The following CCSER1 variants were observed in gnomAD, a reference collection of about 807,000 sequenced individuals.
The protein encoded by CCSER1 is coiled-coil serine rich protein 1.
In CCSER1, 41 loss-of-function variants were observed where a neutral mutation model predicts 82.0. That is an observed-to-expected ratio of 0.50 (90% CI 0.39 to 0.65). The LOEUF (loss-of-function observed/expected upper bound fraction) is 0.65, where lower values mean the gene tolerates loss of function less well. Among genes scored for constraint, CCSER1 ranks in the 30% least tolerant of loss-of-function variants. CCSER1 has a pLI of 0.00. For synonymous variants in CCSER1, 414 were observed against 383.9 expected (o/e 1.08, Z -0.92); for missense variants, 1,119 against 1,064.2 (o/e 1.05, Z -0.72).
Position 91,115,806 on chromosome 4 carries a change from CTTT to C in CCSER1, c.2217+29829_2217+29831del, listed in dbSNP as rs527629667. Reference sequence around the variant, plus strand: ...TGCTCCCTGCCTATCCTAGCTTTTTCTTTTTTTTTTTTTTTTTTTCAAATTTCC... The same window carrying C: ...TGCTCCCTGCCTATCCTAGCTTTTTCTTTTTTTTTTTTTTTTCAAATTTCC... On this transcript the variant is annotated intron_variant, in intron 10 of 10. Transcript: ENST00000509176. Among the ~76,000 whole-genome samples the C allele has an allele frequency of 2.2e-3, 227 of 101,560 alleles. 1 individual carries two copies. In the South Asian group the frequency reaches 0.027, roughly 12 times the overall value. 66.6% of individuals were successfully genotyped at this position (101,560 alleles called of 152,430 possible). A position where few individuals can be genotyped will look rare whatever the true frequency, so the allele number is the denominator to read the frequency against.
rs187027520 is a variant in CCSER1, at chr4:90,921,272, A to C, written c.2095-2098A>C. 2.7e-5 allele frequency among the ~76,000 whole-genome samples: 4 copies of C among 150,682 alleles called. No homozygotes were observed. The East Asian group carries it at 7.8e-4, about 29-fold the overall frequency. On this transcript the variant is annotated intron_variant, in intron 8 of 10. Coordinates refer to ENST00000509176, the MANE Select transcript of CCSER1 (RefSeq NM_001145065.2). Reference sequence around the variant, plus strand: ...ATTTGTCATAAACTTTCATATGTTTACGGCCTTCTATTAAGCTAAAAATAT... The same window carrying C: ...ATTTGTCATAAACTTTCATATGTTTCCGGCCTTCTATTAAGCTAAAAATAT...
chr4:90,267,424 C>G (rs967384389), intron 1 of CCSER1, among the ~76,000 whole-genome samples: 2 of 152,092 alleles, frequency 1.3e-5, no homozygotes, highest in African/African-American at 2.4e-5. Context: ...ACCTTGCAAC[C>G]CTTCAGAAAA....
chr4:90,128,592 C>T (rs913210695), intron 1 of CCSER1, among the ~76,000 whole-genome samples: 4 of 152,086 alleles, frequency 2.6e-5, no homozygotes, highest in African/African-American at 9.7e-5. Flanking sequence ...GCTGAAACCG[C>T]ATGTGGCCCC....
At chr4:90,354,858 C>T (rs58727136) in intron 3 of CCSER1, among the ~76,000 whole-genome samples, 2,925 of 151,878 alleles carry the variant, frequency 0.019, 69 homozygotes, top group African/African-American at 0.06. Context: ...ATTGCAAATG[C>T]GGGCTTTTCT....
chr4:90,158,818 C>A (rs1219417183), intron 1 of CCSER1, among the ~76,000 whole-genome samples: 1 of 152,126 alleles, frequency 6.6e-6, no homozygotes, highest in East Asian at 1.9e-4. Context: ...CTCCCTGACC[C>A]CTTGTGCTTC....
In CCSER1 at chr4:90,425,307, G is replaced by GGA. The variant is rs769432517; in HGVS notation, c.1603+25196_1603+25197dup. Among the ~76,000 whole-genome samples the GGA allele has an allele frequency of 4.4e-3, 655 of 150,194 alleles. 4 individuals carry two copies. Among genetic ancestry groups the GGA allele is most frequent in the South Asian group, 0.01 (48 of 4,766 alleles). ...AGCACAGCAGTTGAAAATGCATGAAGGAGAGAGAGAGAGAGAGAGGAAGAG... is the reference window on the plus strand; with the variant it reads ...AGCACAGCAGTTGAAAATGCATGAAGGAGAGAGAGAGAGAGAGAGAGGAAGAG... On this transcript the variant is annotated intron_variant, in intron 4 of 10. Transcript: ENST00000509176.
At chr4:90,427,140 T>C (rs1303054163) in intron 4 of CCSER1, among the ~76,000 whole-genome samples, 1 of 152,020 alleles carries the variant, frequency 6.6e-6, no homozygotes, top group Non-Finnish European at 1.5e-5. Flanking sequence ...TATTCATGTG[T>C]TTTTCCCTAG....
At position 90,347,761 on chromosome 4, in the gene CCSER1, G is replaced by A. The variant is rs1011827090; in HGVS notation, c.1509+34714G>A. On this transcript the variant is annotated intron_variant, in intron 3 of 10. Transcript: ENST00000509176. ...AGGGAAAGAAAGAAGGGAAAGATAC[G>A]GAAAAATAAGTAGAAGAAAACTAGA... Among the ~76,000 whole-genome samples the A allele has an allele frequency of 4.6e-5, 7 of 152,114 alleles. 1 individual carries two copies. Among genetic ancestry groups the A allele is most frequent in the African/African-American group, 9.6e-5 (4 of 41,508 alleles).
intron 3 of CCSER1, among the ~76,000 whole-genome samples, chr4:90,383,769 T>C (rs537029004): frequency 3.3e-5 from 5 of 152,202 alleles, no homozygotes; most frequent in Admixed American, 3.3e-4. Flanking sequence ...TTTTGTTTTG[T>C]TGCCCAGGCT....
In CCSER1 at chr4:91,270,507, A is replaced by G. The variant is rs373056735; in HGVS notation, c.2217+184513A>G. Among the ~76,000 whole-genome samples, 11 of 151,952 alleles carry G rather than the reference A, an allele frequency of 7.2e-5. No homozygotes were observed. The East Asian group carries it at 1.9e-3, about 27-fold the overall frequency. On this transcript the variant is annotated intron_variant, in intron 10 of 10. Transcript: ENST00000509176. ...TCATGGATTTCTGTTCTTTACATTC[A>G]TTCTCTGTGACAGACTCATGTGCTT... is the stretch of plus-strand genomic sequence containing the variant.
chr4:90,377,137 G>A (rs1748463150), intron 3 of CCSER1, among the ~76,000 whole-genome samples: 1 of 152,098 alleles, frequency 6.6e-6, no homozygotes, highest in South Asian at 2.1e-4. Flanking sequence ...TCTGTACCAG[G>A]ATTTTTATGT....
intron 10 of CCSER1, among the ~76,000 whole-genome samples, chr4:91,355,849 A>G (rs1400859233): frequency 6.6e-6 from 1 of 152,134 alleles, no homozygotes; most frequent in Non-Finnish European, 1.5e-5. Flanking sequence ...GAATAAACAG[A>G]GTCTAACACC....
intron 10 of CCSER1, among the ~76,000 whole-genome samples, chr4:91,280,030 A>G (rs1742794426): frequency 6.6e-6 from 1 of 152,186 alleles, no homozygotes; most frequent in African/African-American, 2.4e-5. Context: ...AGTAGTGTCT[A>G]TGATTTCCAC....
chr4:90,829,455 C>T lies in CCSER1; in HGVS notation c.2094+13610C>T, dbSNP rs145671640. Among the ~76,000 whole-genome samples, 732 of 152,038 alleles carry T rather than the reference C, an allele frequency of 4.8e-3. 2 individuals are homozygous for T. The highest frequency in any genetic ancestry group is 9.2e-3 in the Admixed American group (141 of 15,246). On this transcript the variant is annotated intron_variant, in intron 8 of 10. Coordinates refer to ENST00000509176, the MANE Select transcript of CCSER1 (RefSeq NM_001145065.2). ...AAAGAGTAAAAATAAATTTAAAATG[C>T]CAAACATGTTCATAACCTATATTGA...
chr4:90,273,109 A>C (rs186128038), intron 1 of CCSER1, among the ~76,000 whole-genome samples: 1 of 152,308 alleles, frequency 6.6e-6, no homozygotes, highest in Non-Finnish European at 1.5e-5. Context: ...TTAGCCAGGC[A>C]CAGAAAGACA....
intron 1 of CCSER1, among the ~76,000 whole-genome samples, chr4:90,135,910 T>A (rs564359913): frequency 6.6e-6 from 1 of 152,224 alleles, no homozygotes; most frequent in Non-Finnish European, 1.5e-5. Flanking sequence ...CCACAATAAA[T>A]GAAATACTTG....
intron 3 of CCSER1, among the ~76,000 whole-genome samples, chr4:90,371,713 G>C (rs750416233): frequency 6.6e-6 from 1 of 152,042 alleles, no homozygotes; most frequent in Admixed American, 6.6e-5. Context: ...TTGGTTAATA[G>C]CACCATAAAC....
chr4:90,253,515 G>A (rs1162661824), intron 1 of CCSER1, among the ~76,000 whole-genome samples: 2 of 152,028 alleles, frequency 1.3e-5, no homozygotes, highest in Admixed American at 6.6e-5. Context: ...TGATCCCACT[G>A]CCTTATATTC....
chr4:90,651,710 G>A (rs569755062), intron 6 of CCSER1, among the ~76,000 whole-genome samples: 62 of 151,752 alleles, frequency 4.1e-4, no homozygotes, highest in Middle Eastern at 3.4e-3. Flanking sequence ...AGTTTGTAAA[G>A]CAAATAACTT....
Sources: allele counts gnomAD v4.1 joint callset (sites outside exome capture counted in the v4.1 genomes callset), GRCh38; gene constraint gnomAD v4.1.1; transcripts MANE v1.5; gene names NCBI Gene and HGNC (gene_info 2026-07-23, HGNC 2026-07-21).